RAPGEF4: variants seen among roughly 807,000 people sequenced by gnomAD.
RAPGEF4 encodes RAP guanine-nucleotide-exchange factor (GEF) 4.
Under a neutral mutation model 147.9 loss-of-function variants are expected in RAPGEF4, and 66 were observed. The ratio of observed to expected loss-of-function variants is 0.45; its 90% CI spans 0.37 to 0.55. The LOEUF (loss-of-function observed/expected upper bound fraction) is 0.55. Ranked by LOEUF, RAPGEF4 falls within the 20% of genes least tolerant of loss-of-function variation. RAPGEF4 has a pLI of 0.00. For missense variants in RAPGEF4, 1,071 were observed against 1,257.3 expected (o/e 0.85, Z 2.24); for synonymous variants, 419 against 442.7 (o/e 0.95, Z 0.67).
chr2:172,981,978 A>G (rs1332449453), intron 10 of RAPGEF4, among the ~76,000 whole-genome samples: 1 of 152,136 alleles, frequency 6.6e-6, no homozygotes, highest in Admixed American at 6.5e-5. Context: ...GGTTTTTTTC[A>G]CTTACACAAA....
At chr2:172,898,910 C>T (rs1698791898) in intron 4 of RAPGEF4, among the ~76,000 whole-genome samples, 1 of 152,192 alleles carries the variant, frequency 6.6e-6, no homozygotes, top group South Asian at 2.1e-4. Flanking sequence ...TTTAAAAAGG[C>T]ACTCCTCCAC....
chr2:172,894,317 C>T (rs564772126), intron 4 of RAPGEF4: 1 of 152,368 alleles, frequency 6.6e-6, no homozygotes, highest in African/African-American at 2.4e-5. Context: ...TGGACGCTGT[C>T]CTGTAGAAAC....
At chr2:172,844,850 G>A (rs538060135) in intron 4 of RAPGEF4, among the ~76,000 whole-genome samples, 4 of 152,278 alleles carry the variant, frequency 2.6e-5, no homozygotes, top group African/African-American at 2.4e-5. Context: ...TGTCATCTAC[G>A]ATGTGGAAAA....
chr2:172,847,192 G>A (rs1487248879), intron 4 of RAPGEF4, among the ~76,000 whole-genome samples: 2 of 152,132 alleles, frequency 1.3e-5, no homozygotes, highest in Non-Finnish European at 2.9e-5. Context: ...TAGACTGCAG[G>A]CACAGGTACA....
chr2:172,792,996 GGGTTCTGAA>G (rs1281035451), intron 1 of RAPGEF4, among the ~76,000 whole-genome samples: 1 of 152,138 alleles, frequency 6.6e-6, no homozygotes, highest in African/African-American at 2.4e-5. Flanking sequence ...TTTTCTCTCA[GGGTTCTGAA>G]GGCTGGAAGT....
At chr2:172,922,505 C>G (rs1450791826) in intron 6 of RAPGEF4, among the ~76,000 whole-genome samples, 1 of 152,198 alleles carries the variant, frequency 6.6e-6, no homozygotes, top group Non-Finnish European at 1.5e-5. Context: ...CGTCACGTGT[C>G]CCTGATTTTA....
At chr2:172,747,219 C>T (rs945038709) in intron 1 of RAPGEF4, among the ~76,000 whole-genome samples, 7 of 152,132 alleles carry the variant, frequency 4.6e-5, no homozygotes, top group African/African-American at 1.7e-4. Flanking sequence ...GCACAATTGA[C>T]AAGTAAAAAT....
chr2:173,027,023 C>A, intron 24 of RAPGEF4, 58 bp from the exon 25 acceptor site: 18 of 1,432,226 alleles, frequency 1.3e-5, no homozygotes, highest in South Asian at 1.4e-5. Flanking sequence ...AATAGAGAAA[C>A]CTGCTGGTGT....
chr2:172,942,547 T>C (rs1330381808), intron 6 of RAPGEF4, among the ~76,000 whole-genome samples: 1 of 145,536 alleles, frequency 6.9e-6, no homozygotes, highest in Admixed American at 6.9e-5. Context: ...ATGGTACTCC[T>C]GCTTAGATCT....
At chr2:172,984,606 C>T (rs3769237) in intron 11 of RAPGEF4, among the ~76,000 whole-genome samples, 4,316 of 152,312 alleles carry the variant, frequency 0.028, 92 homozygotes, top group East Asian at 0.073. Context: ...CCCTTGCCAT[C>T]CTTACTCTCC....
At chr2:172,838,646 C>T (rs1228172810) in intron 4 of RAPGEF4, among the ~76,000 whole-genome samples, 1 of 152,026 alleles carries the variant, frequency 6.6e-6, no homozygotes, top group Non-Finnish European at 1.5e-5. Context: ...TGTAGGATCT[C>T]TTGGTATGGA....
At chr2:172,805,295 T>C (rs1004998376) in intron 3 of RAPGEF4, among the ~76,000 whole-genome samples, 12 of 152,218 alleles carry the variant, frequency 7.9e-5, no homozygotes, top group Admixed American at 5.9e-4. Context: ...TTGCTTTCAT[T>C]TCTTTTGTTA....
At chr2:172,820,594 T>G (rs1688967716) in intron 4 of RAPGEF4, among the ~76,000 whole-genome samples, 1 of 152,198 alleles carries the variant, frequency 6.6e-6, no homozygotes. Flanking sequence ...GCACATTAGA[T>G]TCACTGCTCA....
chr2:172,844,886 T>G (rs1240093194), intron 4 of RAPGEF4, among the ~76,000 whole-genome samples: 1 of 152,226 alleles, frequency 6.6e-6, no homozygotes, highest in Non-Finnish European at 1.5e-5. Context: ...AATCCTAACT[T>G]TCAACGTACA....
intron 6 of RAPGEF4, among the ~76,000 whole-genome samples, chr2:172,939,656 A>T (rs1001600546): frequency 1.1e-4 from 17 of 151,930 alleles, no homozygotes. Context: ...TTTTTCTTTC[A>T]TGGATTATGC....
At chr2:172,959,412 CA>C (rs1689062394) in intron 6 of RAPGEF4, among the ~76,000 whole-genome samples, 1 of 152,182 alleles carries the variant, frequency 6.6e-6, no homozygotes, top group Admixed American at 6.5e-5. Context: ...CTAGAAACAC[CA>C]GGATGATCTC....
rs565541352 is a variant in RAPGEF4 at position 173,052,766 on chromosome 2, G to T, written c.*999G>T. 8 of 152,276 alleles carry T rather than the reference G, an allele frequency of 5.3e-5. No homozygotes were observed. The highest frequency in any genetic ancestry group is 1.7e-4 in the African/African-American group (7 of 41,306). The allele number at this position is 152,276 out of a possible 1,614,324, so 9.4% of individuals were successfully genotyped here. A position where few individuals can be genotyped will look rare whatever the true frequency, so the allele number is the denominator to read the frequency against. The stretch of plus-strand genomic sequence containing the variant: ...ACTTTTTATTTATTTTATTTAGTAC[G>T]TAATTTTGAAGTACATTTTTTCCTG... On this transcript the variant is annotated 3_prime_UTR_variant, in exon 31 of 31. Transcript: ENST00000397081.
At chr2:172,873,392 T>A (rs1230796808) in intron 4 of RAPGEF4, among the ~76,000 whole-genome samples, 1 of 152,194 alleles carries the variant, frequency 6.6e-6, no homozygotes, top group Non-Finnish European at 1.5e-5. Context: ...GCCAAGACAT[T>A]TTAACTGTCA....
intron 4 of RAPGEF4, among the ~76,000 whole-genome samples, chr2:172,844,940 C>G (rs1692007547): frequency 1.3e-5 from 2 of 152,200 alleles, no homozygotes; most frequent in South Asian, 4.1e-4. Context: ...TGTTCAGACC[C>G]TGGTTCCTGC....
Sources: allele counts gnomAD v4.1 joint callset (sites outside exome capture counted in the v4.1 genomes callset), GRCh38; gene constraint gnomAD v4.1.1; transcripts MANE v1.5; gene names NCBI Gene and HGNC (gene_info 2026-07-23, HGNC 2026-07-21).